DENND11: variants seen among roughly 807,000 people sequenced by gnomAD.
The protein encoded by DENND11 is DENN domain-containing protein 11.
In DENND11, 34 loss-of-function variants were observed where a neutral mutation model predicts 49.2. That is an observed-to-expected ratio of 0.69 (90% CI 0.53 to 0.92). The LOEUF (loss-of-function observed/expected upper bound fraction) is 0.92, where lower values mean the gene tolerates loss of function less well. Among genes scored for constraint, DENND11 ranks in the 40% least tolerant of loss-of-function variants. The pLI is 0.00. For synonymous variants in DENND11, 238 were observed against 230.3 expected, an observed-to-expected ratio of 1.03 and a Z score of -0.30; for missense variants, 475 against 581.6, an observed-to-expected ratio of 0.82 and a Z score of 1.88.
At position 141,656,774 on chromosome 7, in the gene DENND11, ATATAGT is replaced by A. The variant is rs565438468; in HGVS notation, c.*5876_*5881del. 2.0e-5 allele frequency: 3 copies of A among 152,662 alleles called. No homozygotes were observed. The highest frequency in any genetic ancestry group is 4.8e-5 in the African/African-American group (2 of 41,448). 9.5% of individuals were successfully genotyped at this position (152,662 alleles called of 1,614,324 possible). On this transcript the variant is annotated 3_prime_UTR_variant, in exon 9 of 9. Transcript: ENST00000536163. Reference sequence around the variant, plus strand: ...TAATTGTAAAAATCATTTTCTGTAAATATAGTTATATCAACCTCTCTGCACACAACT... The same window carrying A: ...TAATTGTAAAAATCATTTTCTGTAAATATATCAACCTCTCTGCACACAACT...
At position 141,662,645 on chromosome 7, in the gene DENND11, G is replaced by C; in HGVS notation, c.*11C>G. On this transcript the variant is annotated 3_prime_UTR_variant, in exon 9 of 9. Transcript: ENST00000536163. ...CCCACGTGAAGTGGCTCCCAGTCCT[G>C]TTGGCTCCTCCTACGGGCAACAGGG... The C allele has an allele frequency of 6.5e-7, 1 of 1,549,824 alleles. No individual in the cohort carries two copies. The highest frequency in any genetic ancestry group is 1.4e-5 in the African/African-American group (1 of 72,818).
intron 1 of DENND11, among the ~76,000 whole-genome samples, chr7:141,701,229 A>G (rs1798506912): frequency 6.6e-6 from 1 of 152,000 alleles, no homozygotes; most frequent in African/African-American, 2.4e-5. Context: ...TTCTCCTTTA[A>G]TCAGCCTTCA....
chr7:141,692,114 T>C (rs1044959247), intron 1 of DENND11, among the ~76,000 whole-genome samples: 1 of 152,244 alleles, frequency 6.6e-6, no homozygotes, highest in African/African-American at 2.4e-5. Context: ...GGCATATCCA[T>C]ATCTGTATAT....
intron 7 of DENND11, among the ~76,000 whole-genome samples, chr7:141,664,466 G>C (rs1797855060): frequency 6.6e-6 from 1 of 152,140 alleles, no homozygotes; most frequent in Non-Finnish European, 1.5e-5. Context: ...AGAAGGGGAT[G>C]ATGATGATGA....
At position 141,699,916 on chromosome 7, in the gene DENND11, TCACACA is replaced by T. The variant is rs145606748; in HGVS notation, c.268+1964_268+1969del. Among the ~76,000 whole-genome samples, 405 of 146,892 alleles carry T rather than the reference TCACACA, an allele frequency of 2.8e-3. 2 individuals carry two copies. Among genetic ancestry groups the T allele is most frequent in the African/African-American group, 8.4e-3 (338 of 40,338 alleles). On this transcript the variant is annotated intron_variant, in intron 1 of 8. Coordinates refer to ENST00000536163, the MANE Select transcript of DENND11 (RefSeq NM_001080392.2). ...GTAGCCTTAGTCTGAAAACCATCAC[TCACACA>T]CACACACACACACACACACACTCCG...
intron 4 of DENND11, among the ~76,000 whole-genome samples, chr7:141,667,786 T>C (rs1797917858): frequency 6.6e-6 from 1 of 152,204 alleles, no homozygotes; most frequent in South Asian, 2.1e-4. Context: ...AAGCTGTGTC[T>C]GCACTACCCG....
Position 141,656,810 on chromosome 7 carries a change from TCAGATATATA to T in DENND11, c.*5836_*5845del, listed in dbSNP as rs1177692048. ...TCAACCTCTCTGCACACAACTTGGTTCAGATATATACAGATATGATATTCATAGATGTTAT... is the reference window on the plus strand; with the variant it reads ...TCAACCTCTCTGCACACAACTTGGTTCAGATATGATATTCATAGATGTTAT... On this transcript the variant is annotated 3_prime_UTR_variant, in exon 9 of 9. Transcript: ENST00000536163. 6.5e-6 allele frequency: 1 copy of T among 152,772 alleles called. No individual in the cohort carries two copies. The highest frequency in any genetic ancestry group is 1.5e-5 in the Non-Finnish European group (1 of 68,082). The allele number at this position is 152,772 out of a possible 1,614,324, so 9.5% of individuals were successfully genotyped here. A position where few individuals can be genotyped will look rare whatever the true frequency, so the allele number is the denominator to read the frequency against.
intron 5 of DENND11, 146 bp from the exon 6 acceptor site, chr7:141,665,464 G>A (rs1797879986): frequency 3.5e-6 from 4 of 1,153,568 alleles, no homozygotes; most frequent in Non-Finnish European, 3.6e-6. Context: ...ACTGGAGGTG[G>A]CAAGCCTTTT....
chr7:141,677,295 G>A (rs1023038695), intron 3 of DENND11, among the ~76,000 whole-genome samples: 3 of 150,990 alleles, frequency 2.0e-5, no homozygotes, highest in Admixed American at 6.6e-5. Context: ...GCTGAGGCAC[G>A]AGAATTGCTT....
At chr7:141,692,876 A>G (rs1352068622) in intron 1 of DENND11, among the ~76,000 whole-genome samples, 1 of 152,194 alleles carries the variant, frequency 6.6e-6, no homozygotes, top group Non-Finnish European at 1.5e-5. Context: ...AAATATGTAA[A>G]CCAAAATGTA....
intron 1 of DENND11, among the ~76,000 whole-genome samples, chr7:141,699,752 C>A (rs146890681): frequency 1.0e-3 from 157 of 152,338 alleles, no homozygotes; most frequent in African/African-American, 3.6e-3. Context: ...ACCTAACCAT[C>A]CCTGGTATGT....
Position 141,702,162 on chromosome 7 carries a change from G to C in DENND11, c.-9C>G. 1 of 981,328 alleles carries C rather than the reference G, an allele frequency of 1.0e-6. No homozygotes were observed. The highest frequency in any genetic ancestry group is 1.2e-6 in the Non-Finnish European group (1 of 828,536). 60.8% of individuals were successfully genotyped at this position (981,328 alleles called of 1,614,324 possible). A position where few individuals can be genotyped will look rare whatever the true frequency, so the allele number is the denominator to read the frequency against. Reference sequence around the variant, plus strand: ...TCTCCCTGCTCCACCATGGCTAGGCGAGGCGGAGCCGCGGGCGCGAGGGGC... The same window carrying C: ...TCTCCCTGCTCCACCATGGCTAGGCCAGGCGGAGCCGCGGGCGCGAGGGGC... On this transcript the variant is annotated 5_prime_UTR_variant, in exon 1 of 9. Transcript: ENST00000536163.
At chr7:141,697,011 T>A (rs1798424410) in intron 1 of DENND11, among the ~76,000 whole-genome samples, 1 of 152,236 alleles carries the variant, frequency 6.6e-6, no homozygotes, top group Non-Finnish European at 1.5e-5. Context: ...TGAATTCCAA[T>A]GCATTCACTT....
chr7:141,693,949 C>A (rs1350019025), intron 1 of DENND11, among the ~76,000 whole-genome samples: 2 of 152,026 alleles, frequency 1.3e-5, no homozygotes, highest in East Asian at 3.9e-4. Flanking sequence ...CAACAGTGAA[C>A]CTTAATGCAA....
intron 1 of DENND11, among the ~76,000 whole-genome samples, chr7:141,695,245 T>C (rs1461339159): frequency 6.6e-6 from 1 of 152,174 alleles, no homozygotes; most frequent in African/African-American, 2.4e-5. Flanking sequence ...GGGCAAAATG[T>C]CAATAAACGG....
Position 141,699,916 on chromosome 7 carries a change from T to TCACACACACACACA in DENND11, c.268+1956_268+1969dup, listed in dbSNP as rs145606748. Among the ~76,000 whole-genome samples the TCACACACACACACA allele has an allele frequency of 1.6e-4, 23 of 146,892 alleles. No individual in the cohort carries two copies. In the East Asian group the frequency reaches 2.6e-3, roughly 16 times the overall value. On this transcript the variant is annotated intron_variant, in intron 1 of 8. Transcript: ENST00000536163. The stretch of plus-strand genomic sequence containing the variant: ...GTAGCCTTAGTCTGAAAACCATCAC[T>TCACACACACACACA]CACACACACACACACACACACACAC...
At chr7:141,676,747 A>C (rs890864709) in intron 3 of DENND11, among the ~76,000 whole-genome samples, 1 of 152,224 alleles carries the variant, frequency 6.6e-6, no homozygotes, top group Admixed American at 6.5e-5. Context: ...CTGGATGATA[A>C]GTTAGTCTTC....
chr7:141,664,126 G>A (rs750436286), intron 8 of DENND11, 46 bp downstream of exon 8: 21 of 1,465,050 alleles, frequency 1.4e-5, no homozygotes, highest in South Asian at 6.1e-5. Context: ...ACTCAGTGCC[G>A]AAGGGATCCT....
At chr7:141,682,642 T>A (rs931068311) in intron 3 of DENND11, among the ~76,000 whole-genome samples, 1 of 152,134 alleles carries the variant, frequency 6.6e-6, no homozygotes, top group African/African-American at 2.4e-5. Context: ...AAGAGATGAA[T>A]GTGGGTCCCT....
Sources: gnomAD v4.1 joint callset for allele counts (sites outside exome capture counted in the v4.1 genomes callset) on GRCh38, gnomAD v4.1.1 for gene constraint, MANE v1.5 for transcripts, NCBI Gene and HGNC (gene_info 2026-07-23, HGNC 2026-07-21) for gene names.